DEPTOR: variants seen among roughly 807,000 people sequenced by gnomAD.
DEPTOR encodes the protein DEP domain-containing mTOR-interacting protein.
DEPTOR carries 41 observed loss-of-function variants against 41.6 expected under a neutral mutation model. The ratio of observed to expected loss-of-function variants is 0.98; its 90% CI spans 0.77 to 1.28. The LOEUF (loss-of-function observed/expected upper bound fraction) is 1.28. DEPTOR is among the 50% of genes most tolerant of loss of function. The pLI is 0.00. For missense variants in DEPTOR, 514 were observed against 527.9 expected, an observed-to-expected ratio of 0.97 and a Z score of 0.26; for synonymous variants, 195 against 192.3, an observed-to-expected ratio of 1.01 and a Z score of -0.12.
At chr8:119,959,509 T>G (rs1325732930) in intron 3 of DEPTOR, among the ~76,000 whole-genome samples, 1 of 151,438 alleles carries the variant, frequency 6.6e-6, no homozygotes, top group Non-Finnish European at 1.5e-5. Flanking sequence ...AGAGGTTTGA[T>G]TTGGGAAAAT....
chr8:120,031,089 G>A (rs1812884239), intron 8 of DEPTOR, among the ~76,000 whole-genome samples: 1 of 152,106 alleles, frequency 6.6e-6, no homozygotes, highest in Non-Finnish European at 1.5e-5. Flanking sequence ...CAGTACTTTG[G>A]GGGCCCAAGG....
At chr8:120,040,520 T>C (rs1321072923) in intron 8 of DEPTOR, among the ~76,000 whole-genome samples, 1 of 152,086 alleles carries the variant, frequency 6.6e-6, no homozygotes, top group African/African-American at 2.4e-5. Context: ...TGGTAGGTCT[T>C]GGATAAGATC....
intron 1 of DEPTOR, among the ~76,000 whole-genome samples, chr8:119,907,119 ATGT>A (rs1827673936): frequency 6.6e-6 from 1 of 152,168 alleles, no homozygotes; most frequent in Non-Finnish European, 1.5e-5. Context: ...GGGGTCTATG[ATGT>A]TGTAGCAACA....
At chr8:120,035,966 G>A (rs12545676) in intron 8 of DEPTOR, among the ~76,000 whole-genome samples, 56,082 of 152,098 alleles carry the variant, frequency 0.37, 10,715 homozygotes, top group African/African-American at 0.42. Context: ...CATCAGTGTC[G>A]GTCACAAATT....
chr8:119,885,175 G>A (rs983950223), intron 1 of DEPTOR, among the ~76,000 whole-genome samples: 3 of 151,882 alleles, frequency 2.0e-5, no homozygotes, highest in East Asian at 1.9e-4. Context: ...TTTTTAAAGC[G>A]CTACTTATTT....
intron 1 of DEPTOR, among the ~76,000 whole-genome samples, chr8:119,887,573 C>T (rs1322352580): frequency 5.7e-5 from 8 of 141,192 alleles, no homozygotes; most frequent in Non-Finnish European, 9.2e-5. Context: ...AATCTCAGCT[C>T]GCTGCAACCT....
At chr8:119,877,872 T>G (rs923293213) in intron 1 of DEPTOR, among the ~76,000 whole-genome samples, 1 of 152,188 alleles carries the variant, frequency 6.6e-6, no homozygotes, top group Non-Finnish European at 1.5e-5. Flanking sequence ...GTTATGACTA[T>G]TGTAACCTCC....
rs559524389 is a variant in DEPTOR at position 120,045,269 on chromosome 8, G to A, written c.1102-4307G>A. On this transcript the variant is annotated intron_variant, in intron 8 of 8. Transcript: ENST00000286234. ...AATCAGCCTTACTTTATGAAAGAGT[G>A]AATTAGTCACAAACTTTGGCATTTG... Among the ~76,000 whole-genome samples, 268 of 152,320 alleles carry A rather than the reference G, an allele frequency of 1.8e-3. 4 individuals are homozygous for A. The highest frequency in any genetic ancestry group is 1.3e-3 in the Non-Finnish European group (88 of 68,040).
At chr8:119,943,118 G>A (rs144746769) in intron 3 of DEPTOR, among the ~76,000 whole-genome samples, 164 of 152,226 alleles carry the variant, frequency 1.1e-3, no homozygotes, top group African/African-American at 3.7e-3. Flanking sequence ...CGGTTTCACC[G>A]GAGTCCATTG....
At position 119,907,279 on chromosome 8, in the gene DEPTOR, T is replaced by C. The variant is rs577410746; in HGVS notation, c.123-21121T>C. Among the ~76,000 whole-genome samples, 8 of 152,288 alleles carry C rather than the reference T, an allele frequency of 5.3e-5. No individual in the cohort carries two copies. In the South Asian group the frequency reaches 1.2e-3, roughly 24 times the overall value. Reference sequence around the variant, plus strand: ...GTATTACAGATTAATTTGAGGTTTTTAAGAAATATATGGGGCACAGATTTC... The same window carrying C: ...GTATTACAGATTAATTTGAGGTTTTCAAGAAATATATGGGGCACAGATTTC... On this transcript the variant is annotated intron_variant, in intron 1 of 8. Coordinates refer to ENST00000286234, the MANE Select transcript of DEPTOR (RefSeq NM_022783.4).
At chr8:119,912,463 G>T (rs1163591065) in intron 1 of DEPTOR, among the ~76,000 whole-genome samples, 3 of 152,198 alleles carry the variant, frequency 2.0e-5, no homozygotes, top group Non-Finnish European at 4.4e-5. Flanking sequence ...TTTCGGTTGA[G>T]AAATTTTTGC....
intron 8 of DEPTOR, among the ~76,000 whole-genome samples, chr8:120,020,156 T>C (rs1812677389): frequency 6.6e-6 from 1 of 152,136 alleles, no homozygotes; most frequent in South Asian, 2.1e-4. Flanking sequence ...GGCATGATCT[T>C]GGCTCACTGC....
intron 1 of DEPTOR, among the ~76,000 whole-genome samples, chr8:119,916,191 C>CAGA (rs1321610248): frequency 1.4e-4 from 21 of 151,060 alleles, no homozygotes; most frequent in Non-Finnish European, 2.5e-4. Flanking sequence ...CCTCCACCTT[C>CAGA]TGGGTTCAAG....
intron 3 of DEPTOR, among the ~76,000 whole-genome samples, chr8:119,958,936 G>C (rs1828453552): frequency 6.6e-6 from 1 of 152,124 alleles, no homozygotes. Flanking sequence ...GACACATGAG[G>C]AACTACTGTG....
intron 4 of DEPTOR, among the ~76,000 whole-genome samples, chr8:119,992,595 G>A (rs964762255): frequency 6.6e-6 from 1 of 151,714 alleles, no homozygotes; most frequent in Non-Finnish European, 1.5e-5. Flanking sequence ...TTATGAGCAA[G>A]CATTTCAAGG....
At chr8:120,047,018 G>A (rs918139382) in intron 8 of DEPTOR, among the ~76,000 whole-genome samples, 12 of 152,214 alleles carry the variant, frequency 7.9e-5, no homozygotes, top group African/African-American at 2.9e-4. Flanking sequence ...CCAGAGTCTG[G>A]GTTTTTATTT....
intron 3 of DEPTOR, among the ~76,000 whole-genome samples, chr8:119,954,958 A>G (rs991457825): frequency 2.0e-5 from 3 of 152,056 alleles, no homozygotes; most frequent in African/African-American, 4.8e-5. Context: ...TCCTGGGTTC[A>G]AGCGATTCTC....
intron 2 of DEPTOR, 133 bp downstream of exon 2, chr8:119,928,711 C>A: frequency 3.9e-6 from 3 of 776,934 alleles, no homozygotes; most frequent in Non-Finnish European, 5.4e-6. Context: ...ATTGCATTTT[C>A]TTCCTGCCTC....
intron 8 of DEPTOR, among the ~76,000 whole-genome samples, chr8:120,035,777 C>T (rs1812971440): frequency 6.6e-6 from 1 of 152,196 alleles, no homozygotes; most frequent in Non-Finnish European, 1.5e-5. Context: ...GGTGATCCAC[C>T]TGCCTCGGCC....
Sources: gnomAD v4.1 joint callset for allele counts (sites outside exome capture counted in the v4.1 genomes callset) on GRCh38, gnomAD v4.1.1 for gene constraint, MANE v1.5 for transcripts, NCBI Gene and HGNC (gene_info 2026-07-23, HGNC 2026-07-21) for gene names.